Variants in WIPF3 observed in about 807,000 individuals in gnomAD.
WIPF3 encodes the protein WAS/WASL-interacting protein family member 3.
In WIPF3, 33 loss-of-function variants were observed where a neutral mutation model predicts 38.9. The observed-to-expected ratio is 0.85, with a 90% CI of 0.64 to 1.14. The LOEUF (loss-of-function observed/expected upper bound fraction) is 1.14. WIPF3 is among the 50% of genes most tolerant of loss of function. The pLI is 0.00. For synonymous variants in WIPF3, 324 were observed against 269.3 expected (o/e 1.20, Z -1.99); for missense variants, 711 against 652.5 (o/e 1.09, Z -0.98).
intron 2 of WIPF3, among the ~76,000 whole-genome samples, chr7:29,850,114 A>G (rs17315090): frequency 3.6e-3 from 547 of 152,320 alleles, no homozygotes; most frequent in Non-Finnish European, 6.2e-3. Flanking sequence ...TTGCTTGCTC[A>G]GATAGTTACA....
Position 29,884,271 on chromosome 7 carries a change from C to CAA in WIPF3, c.778_779insAA (p.Ile260LysfsTer115). 48 of 1,487,596 alleles carry CAA rather than the reference C, an allele frequency of 3.2e-5. No homozygotes were observed. Among genetic ancestry groups the CAA allele is most frequent in the Non-Finnish European group, 4.1e-5 (45 of 1,103,524 alleles). 92.1% of individuals were successfully genotyped at this position (1,487,596 alleles called of 1,614,324 possible). ...AGCTGGCTCCCTTGCACCTCCCGCC[C>CAA]ATCCCGCCCCCGCTCCCTCTGCTCC... On this transcript the variant is annotated frameshift_variant, in exon 5 of 9. Coordinates refer to ENST00000242140, the MANE Select transcript of WIPF3 (RefSeq NM_001080529.3). LOFTEE classifies it high-confidence loss of function.
chr7:29,845,436 C>T (rs1402169338), intron 2 of WIPF3, among the ~76,000 whole-genome samples: 1 of 152,206 alleles, frequency 6.6e-6, no homozygotes, highest in African/African-American at 2.4e-5. Flanking sequence ...AGTTTAGAAC[C>T]TGAATCCAGA....
At chr7:29,848,857 T>A (rs1022740841) in intron 2 of WIPF3, among the ~76,000 whole-genome samples, 1 of 152,110 alleles carries the variant, frequency 6.6e-6, no homozygotes, top group Admixed American at 6.6e-5. Flanking sequence ...TGATGATGCC[T>A]GGAGGCTCAA....
chr7:29,884,616 G>T, intron 5 of WIPF3, 23 bp downstream of exon 5: 1 of 1,589,008 alleles, frequency 6.3e-7, no homozygotes, highest in Non-Finnish European at 8.5e-7. Context: ...GCCTGGCCCA[G>T]TGCCCCTGGT....
At chr7:29,870,670 C>A (rs1785478716) in intron 2 of WIPF3, among the ~76,000 whole-genome samples, 1 of 152,152 alleles carries the variant, frequency 6.6e-6, no homozygotes, top group Non-Finnish European at 1.5e-5. Context: ...TTTTGCTTTA[C>A]CTCCAGGGAA....
intron 2 of WIPF3, among the ~76,000 whole-genome samples, chr7:29,871,335 T>A (rs1176759821): frequency 1.3e-5 from 2 of 152,126 alleles, no homozygotes; most frequent in African/African-American, 4.8e-5. Flanking sequence ...CCCCCAAGTT[T>A]TAGGAGACAG....
chr7:29,839,624 A>G (rs1440478704), intron 2 of WIPF3, among the ~76,000 whole-genome samples: 2 of 152,314 alleles, frequency 1.3e-5, no homozygotes, highest in African/African-American at 4.8e-5. Context: ...AGGCTGGCAA[A>G]CCAGGACCCC....
chr7:29,880,064 A>G (rs934228517), intron 4 of WIPF3, among the ~76,000 whole-genome samples: 1 of 152,172 alleles, frequency 6.6e-6, no homozygotes, highest in African/African-American at 2.4e-5. Context: ...TAATCAGTCT[A>G]CCTCAGTGAT....
intron 8 of WIPF3, among the ~76,000 whole-genome samples, chr7:29,909,659 G>A (rs1471842218): frequency 5.9e-5 from 9 of 152,168 alleles, no homozygotes; most frequent in Non-Finnish European, 1.3e-4. Context: ...GTCTTTGGGA[G>A]GTTAAGGTGG....
intron 2 of WIPF3, among the ~76,000 whole-genome samples, chr7:29,850,254 A>G (rs7794919): frequency 0.14 from 22,058 of 152,222 alleles, 1,670 homozygotes; most frequent in African/African-American, 0.16. Context: ...AGTTCCTAAA[A>G]GGAAAAACCA....
intron 1 of WIPF3, among the ~76,000 whole-genome samples, chr7:29,813,757 C>T (rs1447248408): frequency 4.6e-5 from 7 of 152,076 alleles, no homozygotes; most frequent in Admixed American, 6.6e-5. Context: ...GTGCAACCAT[C>T]GCCATTATTT....
chr7:29,888,488 T>TGC (rs1562787229), intron 6 of WIPF3, among the ~76,000 whole-genome samples: 1 of 138,660 alleles, frequency 7.2e-6, no homozygotes, highest in African/African-American at 2.9e-5. Context: ...TGTGTGAGTG[T>TGC]GTGTGCGTGT....
At chr7:29,892,045 C>G (rs147133003) in intron 7 of WIPF3, among the ~76,000 whole-genome samples, 5 of 152,318 alleles carry the variant, frequency 3.3e-5, no homozygotes, top group African/African-American at 1.2e-4. Context: ...ATATATAACA[C>G]CCCTTTCCCC....
intron 5 of WIPF3, 53 bp downstream of exon 5, chr7:29,884,646 T>C: frequency 6.5e-7 from 1 of 1,543,274 alleles, no homozygotes. Context: ...TAAAATCTCG[T>C]CGTTGCACAG....
chr7:29,894,231 T>A (rs1188724468), intron 7 of WIPF3, among the ~76,000 whole-genome samples: 1 of 152,184 alleles, frequency 6.6e-6, no homozygotes, highest in Admixed American at 6.6e-5. Flanking sequence ...CTGCATTTTA[T>A]GTCCGTGGTG....
At chr7:29,877,547 A>G (rs1018218105) in intron 3 of WIPF3, among the ~76,000 whole-genome samples, 1 of 152,188 alleles carries the variant, frequency 6.6e-6, no homozygotes, top group Non-Finnish European at 1.5e-5. Flanking sequence ...TTTAACTGCT[A>G]AGTACTTATG....
rs1313677100 is a variant in WIPF3 at position 29,904,280 on chromosome 7, C to T, written c.1352-6C>T. 21 of 1,612,752 alleles carry T rather than the reference C, an allele frequency of 1.3e-5. No individual in the cohort carries two copies. Among genetic ancestry groups the T allele is most frequent in the Non-Finnish European group, 1.8e-5 (21 of 1,179,472 alleles). On this transcript the variant is annotated splice_region_variant and splice_polypyrimidine_tract_variant and intron_variant, in intron 7 of 8. Transcript: ENST00000242140. ...TAGATAATGAGATTGTTCTTTTTTC[C>T]TTCAGGCCGTACACCTGGTCCCTGG...
rs186351783 is a variant in WIPF3, at chr7:29,890,274, C to A, written c.1351+867C>A. ...GCCTGAGGTGGGAGGATTGCTTGAG[C>A]CCAGGAGTTGGAGGCTGCAGTGAGC... On this transcript the variant is annotated intron_variant, in intron 7 of 8. Coordinates refer to ENST00000242140, the MANE Select transcript of WIPF3 (RefSeq NM_001080529.3). Among the ~76,000 whole-genome samples the A allele has an allele frequency of 4.6e-5, 7 of 151,746 alleles. No individual in the cohort carries two copies. The East Asian group carries it at 1.4e-3, about 29-fold the overall frequency.
intron 2 of WIPF3, among the ~76,000 whole-genome samples, chr7:29,864,681 C>T (rs909148057): frequency 2.0e-5 from 3 of 152,210 alleles, no homozygotes; most frequent in African/African-American, 7.2e-5. Flanking sequence ...TTAAGTTACT[C>T]AGAATCAATG....
Sources: allele counts gnomAD v4.1 joint callset (sites outside exome capture counted in the v4.1 genomes callset), GRCh38; gene constraint gnomAD v4.1.1; transcripts MANE v1.5; gene names NCBI Gene and HGNC (gene_info 2026-07-23, HGNC 2026-07-21).